The following PHKB variants were observed in gnomAD, a reference collection of about 807,000 sequenced individuals.
The protein encoded by PHKB is phosphorylase b kinase regulatory subunit beta.
Under a neutral mutation model 152.1 loss-of-function variants are expected in PHKB, and 122 were observed. The observed-to-expected ratio is 0.80, with a 90% CI of 0.69 to 0.93. The LOEUF (loss-of-function observed/expected upper bound fraction) is 0.93. Among genes scored for constraint, PHKB ranks in the 40% least tolerant of loss-of-function variants. PHKB has a pLI of 0.00. For missense variants in PHKB, 1,304 were observed against 1,328.4 expected (o/e 0.98, Z 0.29); for synonymous variants, 436 against 464.9 (o/e 0.94, Z 0.80).
chr16:47,650,697 G>C (rs752794897), intron 19 of PHKB, 71 bp downstream of exon 19: 9 of 1,284,304 alleles, frequency 7.0e-6, no homozygotes, highest in East Asian at 2.3e-5. Context: ...GGGAAGAAAG[G>C]CCTCCTTGGA....
intron 20 of PHKB, among the ~76,000 whole-genome samples, chr16:47,652,335 C>A (rs764164305): frequency 6.7e-6 from 1 of 149,844 alleles, no homozygotes; most frequent in Non-Finnish European, 1.5e-5. Flanking sequence ...AAGCACAGTT[C>A]CCAATAGTTT....
At chr16:47,606,040 A>G (rs1455166498) in intron 13 of PHKB, among the ~76,000 whole-genome samples, 1 of 152,234 alleles carries the variant, frequency 6.6e-6, no homozygotes, top group Non-Finnish European at 1.5e-5. Flanking sequence ...TATGTGAAAT[A>G]CTTAAAACAA....
intron 24 of PHKB, chr16:47,664,216 T>C (rs1973495786): frequency 6.4e-6 from 1 of 155,830 alleles, no homozygotes. Flanking sequence ...AGGTAGTCTG[T>C]TCCCAGAGAT....
chr16:47,561,751 A>G (rs1358388147), intron 7 of PHKB: 1 of 152,238 alleles, frequency 6.6e-6, no homozygotes, highest in Admixed American at 6.5e-5. Flanking sequence ...CAAGCCATTC[A>G]TCATAGAGAC....
At chr16:47,646,164 A>T (rs1408065274) in intron 16 of PHKB, among the ~76,000 whole-genome samples, 2 of 15,010 alleles carry the variant, frequency 1.3e-4, no homozygotes, top group Non-Finnish European at 2.5e-4. Flanking sequence ...GATTAAGAAA[A>T]TGTGGCACAT....
chr16:47,462,094 T>C (rs1205808142), intron 1 of PHKB: 2 of 152,346 alleles, frequency 1.3e-5, no homozygotes, highest in East Asian at 3.9e-4. Flanking sequence ...GTTCCAAGTG[T>C]CCCGAACTGA....
intron 6 of PHKB, among the ~76,000 whole-genome samples, chr16:47,544,051 T>A (rs1971112572): frequency 6.6e-6 from 1 of 152,220 alleles, no homozygotes; most frequent in South Asian, 2.1e-4. Context: ...CCTGGATTCA[T>A]TGATTTTTTG....
intron 11 of PHKB, 137 bp downstream of exon 11, chr16:47,593,694 T>G (rs917661971): frequency 3.0e-6 from 2 of 677,684 alleles, no homozygotes; most frequent in Non-Finnish European, 5.4e-6. Flanking sequence ...TCAGTGATGT[T>G]AATTGCCCTG....
At chr16:47,698,622 TGAGAATTTTTTCA>T in intron 30 of PHKB, 34 bp downstream of exon 30, 2 of 1,406,884 alleles carry the variant, frequency 1.4e-6, no homozygotes, top group Non-Finnish European at 1.9e-6. Flanking sequence ...TTTTTTTTTT[TGAGAATTTTTTCA>T]TTGTCTCAAT....
intron 7 of PHKB, 41 bp downstream of exon 7, chr16:47,547,589 G>A (rs1567301516): frequency 6.5e-6 from 7 of 1,083,166 alleles, no homozygotes; most frequent in South Asian, 6.4e-5. Context: ...TAAATTAAAT[G>A]TATGGAATTT....
intron 14 of PHKB, among the ~76,000 whole-genome samples, chr16:47,617,880 A>AT (rs1324442625): frequency 6.6e-6 from 1 of 152,192 alleles, no homozygotes; most frequent in South Asian, 2.1e-4. Flanking sequence ...GGCTTTAAGA[A>AT]TCTGTTGTTT....
chr16:47,674,620 G>C (rs2142084822), intron 26 of PHKB, among the ~76,000 whole-genome samples: 1 of 152,280 alleles, frequency 6.6e-6, no homozygotes, highest in African/African-American at 2.4e-5. Context: ...AGAATAATTT[G>C]AAATTATATT....
At chr16:47,655,159 A>G (rs978674984) in intron 20 of PHKB, among the ~76,000 whole-genome samples, 1 of 152,162 alleles carries the variant, frequency 6.6e-6, no homozygotes, top group Non-Finnish European at 1.5e-5. Flanking sequence ...ACACCCCAGT[A>G]TACACACAGG....
chr16:47,548,606 CAAA>C (rs11333810), intron 7 of PHKB, among the ~76,000 whole-genome samples: 12 of 83,520 alleles, frequency 1.4e-4, no homozygotes, highest in African/African-American at 1.8e-4. Context: ...GACTCCGTCT[CAAA>C]AAAAAAAAAA....
intron 26 of PHKB, among the ~76,000 whole-genome samples, chr16:47,680,173 G>A (rs915650299): frequency 2.6e-5 from 4 of 152,154 alleles, no homozygotes; most frequent in African/African-American, 7.2e-5. Flanking sequence ...CAGTTTGCCA[G>A]TATTTTATTG....
chr16:47,480,416 A>G (rs1969944193), intron 1 of PHKB, among the ~76,000 whole-genome samples: 1 of 152,336 alleles, frequency 6.6e-6, no homozygotes, highest in East Asian at 1.9e-4. Context: ...GAACAATAGT[A>G]TTAAACACTG....
At chr16:47,542,023 G>A (rs1213991669) in intron 6 of PHKB, among the ~76,000 whole-genome samples, 7 of 152,058 alleles carry the variant, frequency 4.6e-5, no homozygotes, top group Non-Finnish European at 8.8e-5. Context: ...TGTCTATTTT[G>A]GCTTTTGTTA....
intron 16 of PHKB, among the ~76,000 whole-genome samples, chr16:47,644,484 T>A (rs1278107693): frequency 1.3e-5 from 2 of 152,224 alleles, no homozygotes; most frequent in Non-Finnish European, 2.9e-5. Context: ...CATAGATGTG[T>A]GCACTATGTC....
At chr16:47,482,195 A>G (rs1232682348) in intron 1 of PHKB, among the ~76,000 whole-genome samples, 1 of 152,236 alleles carries the variant, frequency 6.6e-6, no homozygotes, top group Non-Finnish European at 1.5e-5. Flanking sequence ...GGAGCAAATC[A>G]CTGAAGTCTA....
Sources: allele counts gnomAD v4.1 joint callset (sites outside exome capture counted in the v4.1 genomes callset), GRCh38; gene constraint gnomAD v4.1.1; transcripts MANE v1.5; gene names NCBI Gene and HGNC (gene_info 2026-07-23, HGNC 2026-07-21).